Variants in CTNND2 observed in about 807,000 individuals in gnomAD.
CTNND2 encodes the protein catenin delta-2.
In CTNND2, 22 loss-of-function variants were observed where a neutral mutation model predicts 144.4. The observed-to-expected ratio is 0.15, with a 90% CI of 0.11 to 0.22. CTNND2 has a LOEUF of 0.22. CTNND2 is among the 10% of genes least tolerant of loss of function. The pLI, the probability that CTNND2 is intolerant of heterozygous loss-of-function variation, is 1.00. For synonymous variants in CTNND2, 751 were observed against 695.6 expected, an observed-to-expected ratio of 1.08 and a Z score of -1.25; for missense variants, 1,353 against 1,618.8, an observed-to-expected ratio of 0.84 and a Z score of 2.82.
intron 3 of CTNND2, among the ~76,000 whole-genome samples, chr5:11,446,823 G>A (rs949132709): frequency 6.6e-6 from 1 of 152,118 alleles, no homozygotes; most frequent in African/African-American, 2.4e-5. Flanking sequence ...TTGAGCAAGG[G>A]GGCCGTGGAT....
At position 11,542,005 on chromosome 5, in the gene CTNND2, A is replaced by T. The variant is rs886442521; in HGVS notation, c.287+22939T>A. Among the ~76,000 whole-genome samples, 12 of 152,034 alleles carry T rather than the reference A, an allele frequency of 7.9e-5. No homozygotes were observed. The East Asian group carries it at 2.3e-3, about 29-fold the overall frequency. On this transcript the variant is annotated intron_variant, in intron 3 of 21. Transcript: ENST00000304623. ...TGTGTCCTCCCCAATTAAAAAAAAA[A>T]CTATTTTTGTCCCCGTAGGGACATC...
At chr5:11,613,597 C>A (rs1315341720) in intron 2 of CTNND2, among the ~76,000 whole-genome samples, 2 of 152,194 alleles carry the variant, frequency 1.3e-5, no homozygotes, top group Non-Finnish European at 2.9e-5. Context: ...CTTCTTCCAG[C>A]AATATATTGC....
chr5:11,666,734 T>C (rs534179134), intron 2 of CTNND2, among the ~76,000 whole-genome samples: 3 of 152,292 alleles, frequency 2.0e-5, no homozygotes, highest in African/African-American at 7.2e-5. Flanking sequence ...TGAATTCTTC[T>C]ATACTTCAAA....
chr5:11,371,960 C>A (rs1215855205), intron 7 of CTNND2, among the ~76,000 whole-genome samples: 1 of 152,130 alleles, frequency 6.6e-6, no homozygotes, highest in Non-Finnish European at 1.5e-5. Flanking sequence ...AAATGCCCTC[C>A]TATTTCATCA....
chr5:11,220,209 T>C (rs1486018283), intron 10 of CTNND2, among the ~76,000 whole-genome samples: 21 of 151,956 alleles, frequency 1.4e-4, no homozygotes, highest in Admixed American at 1.4e-3. Context: ...ATTTAGAGTG[T>C]GTTTGCATTA....
chr5:11,380,013 C>G (rs1376776128), intron 7 of CTNND2, among the ~76,000 whole-genome samples: 1 of 152,198 alleles, frequency 6.6e-6, no homozygotes, highest in East Asian at 1.9e-4. Flanking sequence ...TTTGTTCTGG[C>G]TACCGCTTCT....
At chr5:11,085,238 G>A (rs780154606) in intron 15 of CTNND2, among the ~76,000 whole-genome samples, 12 of 152,190 alleles carry the variant, frequency 7.9e-5, no homozygotes, top group Non-Finnish European at 1.6e-4. Context: ...TTTTTGATAC[G>A]AGAAACTGGT....
chr5:11,008,763 C>T (rs764067483), intron 18 of CTNND2, among the ~76,000 whole-genome samples: 15 of 152,064 alleles, frequency 9.9e-5, no homozygotes, highest in Non-Finnish European at 1.6e-4. Flanking sequence ...AGGGTGGAAG[C>T]GGCTGGTGGT....
chr5:11,083,503 TG>T (rs1322322647), intron 15 of CTNND2, among the ~76,000 whole-genome samples: 1 of 152,200 alleles, frequency 6.6e-6, no homozygotes, highest in Non-Finnish European at 1.5e-5. Flanking sequence ...ACATGAAATT[TG>T]TTTTGGGTTG....
intron 7 of CTNND2, among the ~76,000 whole-genome samples, chr5:11,367,745 G>A (rs1403458514): frequency 4.6e-5 from 7 of 152,170 alleles, no homozygotes; most frequent in Admixed American, 4.6e-4. Context: ...TGGGAACCTG[G>A]CCTTGACCAA....
intron 10 of CTNND2, among the ~76,000 whole-genome samples, chr5:11,202,953 T>A (rs527631858): frequency 6.6e-6 from 1 of 152,232 alleles, no homozygotes; most frequent in African/African-American, 2.4e-5. Flanking sequence ...TACAGGCACA[T>A]GCCATCACGT....
chr5:11,653,580 T>C (rs143956995), intron 2 of CTNND2, among the ~76,000 whole-genome samples: 2 of 152,246 alleles, frequency 1.3e-5, no homozygotes, highest in East Asian at 3.9e-4. Flanking sequence ...TTAAATTGGG[T>C]TATGTGTGTT....
chr5:11,558,053 G>T (rs1776370322), intron 3 of CTNND2, among the ~76,000 whole-genome samples: 1 of 152,192 alleles, frequency 6.6e-6, no homozygotes, highest in African/African-American at 2.4e-5. Context: ...AAAGGGGGAG[G>T]TGACTGAAAT....
intron 10 of CTNND2, among the ~76,000 whole-genome samples, chr5:11,224,833 T>C (rs1296996910): frequency 6.6e-6 from 1 of 152,268 alleles, no homozygotes; most frequent in Non-Finnish European, 1.5e-5. Context: ...TCATAAATCA[T>C]TCACATCTCC....
chr5:11,705,598 G>A (rs954604646), intron 2 of CTNND2, among the ~76,000 whole-genome samples: 3 of 152,130 alleles, frequency 2.0e-5, no homozygotes, highest in Non-Finnish European at 4.4e-5. Context: ...TATTCATATA[G>A]GAACATTTTA....
chr5:11,813,296 C>A (rs1016755549), intron 1 of CTNND2, among the ~76,000 whole-genome samples: 4 of 152,150 alleles, frequency 2.6e-5, no homozygotes, highest in African/African-American at 9.7e-5. Context: ...CGACGAAGTG[C>A]CTCATGATGC....
intron 2 of CTNND2, among the ~76,000 whole-genome samples, chr5:11,612,232 C>T (rs2126386428): frequency 6.6e-6 from 1 of 152,252 alleles, no homozygotes; most frequent in East Asian, 1.9e-4. Flanking sequence ...TGTGACTTTA[C>T]AAAAGGAACA....
rs189363761 is a variant in CTNND2, at chr5:11,728,464, C to T, written c.174+3672G>A. Among the ~76,000 whole-genome samples, 428 of 152,168 alleles carry T rather than the reference C, an allele frequency of 2.8e-3. 2 individuals are homozygous for T. The highest frequency in any genetic ancestry group is 4.2e-3 in the Non-Finnish European group (287 of 67,992). ...CCGCACTCTAGCCTGGGCGACAGAG[C>T]GACACTCCATCTCAAAAACAAAACA... is the stretch of plus-strand genomic sequence containing the variant. On this transcript the variant is annotated intron_variant, in intron 2 of 21. Transcript: ENST00000304623.
chr5:11,832,128 C>CA (rs562980543), intron 1 of CTNND2, among the ~76,000 whole-genome samples: 2 of 151,684 alleles, frequency 1.3e-5, no homozygotes, highest in African/African-American at 4.8e-5. Context: ...CTAAAAAATA[C>CA]AAAAAATTAG....
Sources: gnomAD v4.1 joint callset for allele counts (sites outside exome capture counted in the v4.1 genomes callset) on GRCh38, gnomAD v4.1.1 for gene constraint, MANE v1.5 for transcripts, NCBI Gene and HGNC (gene_info 2026-07-23, HGNC 2026-07-21) for gene names.